Variants in PDCL2 observed in about 807,000 individuals in gnomAD.
PDCL2 encodes the protein phosducin-like protein 2.
A neutral mutation model predicts 30.3 loss-of-function variants in PDCL2; 23 were observed. That is an observed-to-expected ratio of 0.76 (90% CI 0.55 to 1.08). PDCL2 has a LOEUF of 1.08. PDCL2 is among the 50% of genes least tolerant of loss of function. PDCL2 has a pLI of 0.00. For synonymous variants in PDCL2, 68 were observed against 86.2 expected, an observed-to-expected ratio of 0.79 and a Z score of 1.17; for missense variants, 243 against 282.3, an observed-to-expected ratio of 0.86 and a Z score of 1.00.
At position 55,587,552 on chromosome 4, in the gene PDCL2, T is replaced by C. The variant is rs888352798; in HGVS notation, c.6+4552A>G. ...CTGTGGGTTGTCTTTTTTCTTTTTC[T>C]GTTTTTTTTAAATTTTTTTTTTTTG... On this transcript the variant is annotated intron_variant, in intron 1 of 5. Coordinates refer to ENST00000295645, the MANE Select transcript of PDCL2 (RefSeq NM_152401.3). Among the ~76,000 whole-genome samples the C allele has an allele frequency of 8.5e-5, 13 of 152,142 alleles. No homozygotes were observed. In the East Asian group the frequency reaches 2.5e-3, roughly 29 times the overall value.
At chr4:55,587,802 T>G (rs529369617) in intron 1 of PDCL2, among the ~76,000 whole-genome samples, 4 of 152,276 alleles carry the variant, frequency 2.6e-5, no homozygotes, top group African/African-American at 9.6e-5. Context: ...ATGATCCACC[T>G]GCCTCAGCCT....
At chr4:55,585,078 G>A (rs561745026) in intron 1 of PDCL2, among the ~76,000 whole-genome samples, 1 of 152,240 alleles carries the variant, frequency 6.6e-6, no homozygotes, top group African/African-American at 2.4e-5. Context: ...CCACTTAATT[G>A]TGGTACATTA....
At position 55,581,028 on chromosome 4, in the gene PDCL2, G is replaced by A. The variant is rs181900966; in HGVS notation, c.128-117C>T. The A allele has an allele frequency of 4.9e-4, 316 of 644,698 alleles. 3 individuals are homozygous for A. The highest frequency in any genetic ancestry group is 3.2e-3 in the African/African-American group (167 of 52,676). 39.9% of individuals were successfully genotyped at this position (644,698 alleles called of 1,614,324 possible). On this transcript the variant is annotated intron_variant, in intron 2 of 5. Transcript: ENST00000295645. Reference sequence around the variant, plus strand: ...AGATCAACAGTATCTTTAAACAGCCGGGTGCGATGGAATCCCAGTACTTTG... The same window carrying A: ...AGATCAACAGTATCTTTAAACAGCCAGGTGCGATGGAATCCCAGTACTTTG...
Position 55,562,627 on chromosome 4 carries a change from A to T in PDCL2, c.363-15T>A. The T allele has an allele frequency of 6.6e-7, 1 of 1,522,016 alleles. No individual in the cohort carries two copies. Among genetic ancestry groups the T allele is most frequent in the Non-Finnish European group, 8.9e-7 (1 of 1,123,900 alleles). 94.3% of individuals were successfully genotyped at this position (1,522,016 alleles called of 1,614,324 possible). A position where few individuals can be genotyped will look rare whatever the true frequency, so the allele number is the denominator to read the frequency against. On this transcript the variant is annotated splice_polypyrimidine_tract_variant and intron_variant, in intron 4 of 5. Coordinates refer to ENST00000295645, the MANE Select transcript of PDCL2 (RefSeq NM_152401.3). ...ACATTGGGATGCTAAAAAGAGAAAC[A>T]GTACACACAATCTTTAATAAATGGG...
chr4:55,575,856 G>A (rs7690837), intron 3 of PDCL2, among the ~76,000 whole-genome samples: 45,924 of 151,908 alleles, frequency 0.3, 7,540 homozygotes, highest in East Asian at 0.58. Flanking sequence ...GTAAATTAAT[G>A]CATTCCTAGA....
intron 3 of PDCL2, among the ~76,000 whole-genome samples, chr4:55,570,192 G>A (rs1463372545): frequency 6.6e-6 from 1 of 152,132 alleles, no homozygotes; most frequent in Non-Finnish European, 1.5e-5. Flanking sequence ...TCATTAAGGA[G>A]AATAATGATA....
In PDCL2 at chr4:55,580,851, T is replaced by C. The variant is rs773163476; in HGVS notation, c.188A>G (p.Glu63Gly). The change falls in exon 3 of 6, where the codon GAA becomes GGA. Residue 63 changes from glutamate (E) to glycine (G), a missense_variant. Coordinates refer to ENST00000295645, the MANE Select transcript of PDCL2 (RefSeq NM_152401.3). ...QLKEAEDEFDEEDMQAVETYR... is the reference protein window; with the variant it reads ...QLKEAEDEFDGEDMQAVETYR... ...TGTTTCAACAGCCTGCATATCTTCT[T>C]CATCAAATTCATCTTCAGCTTCCTT... 6 of 1,610,608 alleles carry C rather than the reference T, an allele frequency of 3.7e-6. No individual in the cohort carries two copies. Among genetic ancestry groups the C allele is most frequent in the Non-Finnish European group, 5.1e-6 (6 of 1,178,518 alleles).
chr4:55,572,860 C>G (rs1002708440), intron 3 of PDCL2, among the ~76,000 whole-genome samples: 1 of 151,998 alleles, frequency 6.6e-6, no homozygotes. Flanking sequence ...CCCGGGTTCA[C>G]GCCATTCTCC....
At chr4:55,560,202 G>A (rs1388493309) in intron 5 of PDCL2, among the ~76,000 whole-genome samples, 1 of 146,344 alleles carries the variant, frequency 6.8e-6, no homozygotes. Flanking sequence ...GGGGGGGGAC[G>A]AGATACACAC....
intron 5 of PDCL2, among the ~76,000 whole-genome samples, chr4:55,557,238 A>G (rs1246815761): frequency 6.6e-6 from 1 of 152,220 alleles, no homozygotes; most frequent in Non-Finnish European, 1.5e-5. Flanking sequence ...TTATGGTTAA[A>G]CTGGGTCTTA....
intron 1 of PDCL2, among the ~76,000 whole-genome samples, chr4:55,590,122 G>A (rs1004709854): frequency 2.0e-5 from 3 of 148,708 alleles, no homozygotes; most frequent in Non-Finnish European, 3.0e-5. Context: ...GCTTGAACCC[G>A]GGAGGTGGAG....
At chr4:55,577,138 G>T (rs183271719) in intron 3 of PDCL2, among the ~76,000 whole-genome samples, 1 of 152,130 alleles carries the variant, frequency 6.6e-6, no homozygotes, top group Non-Finnish European at 1.5e-5. Flanking sequence ...CAGGTGATCC[G>T]CCTGCCTTGG....
rs1401978121 is a variant in PDCL2 at position 55,576,456 on chromosome 4, T to C, written c.218+4365A>G. On this transcript the variant is annotated intron_variant, in intron 3 of 5. Coordinates refer to ENST00000295645, the MANE Select transcript of PDCL2 (RefSeq NM_152401.3). ...TATAAAAGGTAAATACATAAAGCAA[T>C]AATAATAATCTATGTTAATGGATGC... Among the ~76,000 whole-genome samples, 4 of 152,154 alleles carry C rather than the reference T, an allele frequency of 2.6e-5. No homozygotes were observed. In the East Asian group the frequency reaches 7.7e-4, roughly 29 times the overall value.
intron 3 of PDCL2, 46 bp from the exon 4 acceptor site, chr4:55,569,907 C>G (rs1269217793): frequency 7.5e-7 from 1 of 1,334,780 alleles, no homozygotes; most frequent in South Asian, 1.6e-5. Flanking sequence ...CTGTCATATT[C>G]TTAAGGTCAT....
intron 1 of PDCL2, among the ~76,000 whole-genome samples, chr4:55,586,753 C>T (rs1577919923): frequency 6.6e-6 from 1 of 152,100 alleles, no homozygotes; most frequent in Non-Finnish European, 1.5e-5. Flanking sequence ...ACCAGTTTTC[C>T]ACAGCAGTTG....
intron 5 of PDCL2, among the ~76,000 whole-genome samples, chr4:55,561,341 C>A (rs897671695): frequency 6.6e-5 from 10 of 152,048 alleles, no homozygotes; most frequent in Non-Finnish European, 7.4e-5. Flanking sequence ...GCGGGCGGAT[C>A]TCCTGAGATC....
chr4:55,584,989 T>C (rs1732823224), intron 1 of PDCL2, among the ~76,000 whole-genome samples: 1 of 152,230 alleles, frequency 6.6e-6, no homozygotes, highest in South Asian at 2.1e-4. Context: ...ATGATTTTTG[T>C]CCATAATTCT....
intron 1 of PDCL2, 49 bp downstream of exon 1, chr4:55,592,055 G>C (rs1226970412): frequency 3.1e-6 from 5 of 1,603,100 alleles, no homozygotes; most frequent in Non-Finnish European, 4.3e-6. Context: ...GGGCCCAGCT[G>C]GAGACCCACT....
chr4:55,561,438 C>T (rs1428096768), intron 5 of PDCL2, among the ~76,000 whole-genome samples: 1 of 152,038 alleles, frequency 6.6e-6, no homozygotes, highest in Non-Finnish European at 1.5e-5. Flanking sequence ...TGGTGGCCAC[C>T]TGTAATCCCA....
Sources: gnomAD v4.1 joint callset for allele counts (sites outside exome capture counted in the v4.1 genomes callset) on GRCh38, gnomAD v4.1.1 for gene constraint, MANE v1.5 for transcripts, NCBI Gene and HGNC (gene_info 2026-07-23, HGNC 2026-07-21) for gene names.